CLHC1: variants seen among roughly 807,000 people sequenced by gnomAD.
The protein encoded by CLHC1 is clathrin heavy chain linker domain-containing protein 1.
CLHC1 carries 72 observed loss-of-function variants against 69.5 expected under a neutral mutation model. The observed-to-expected ratio is 1.04, with a 90% CI of 0.86 to 1.26. CLHC1 has a LOEUF of 1.26. Ranked by LOEUF, CLHC1 falls within the 50% of genes most tolerant of loss-of-function variation. The pLI is 0.00. For missense variants in CLHC1, 790 were observed against 679.3 expected, an observed-to-expected ratio of 1.16 and a Z score of -1.81; for synonymous variants, 223 against 224.3, an observed-to-expected ratio of 0.99 and a Z score of 0.05.
chr2:55,229,235 AAAAT>A (rs375017593), intron 1 of CLHC1, among the ~76,000 whole-genome samples: 191 of 151,938 alleles, frequency 1.3e-3, no homozygotes, highest in African/African-American at 4.4e-3. Context: ...TGTATGAAGA[AAAAT>A]AAAACAAGGT....
At chr2:55,185,540 G>A (rs1270364534) in intron 9 of CLHC1, among the ~76,000 whole-genome samples, 11 of 152,158 alleles carry the variant, frequency 7.2e-5, no homozygotes. Flanking sequence ...CTACATGTAA[G>A]CTCCGTGATG....
chr2:55,176,735 AAT>A (rs1669425494), intron 12 of CLHC1, among the ~76,000 whole-genome samples: 1 of 152,202 alleles, frequency 6.6e-6, no homozygotes, highest in Admixed American at 6.5e-5. Context: ...TTTATATGAA[AAT>A]ATTTTAGTTG....
chr2:55,231,252 G>GAAA (rs34262405), intron 1 of CLHC1, among the ~76,000 whole-genome samples: 1 of 103,084 alleles, frequency 9.7e-6, no homozygotes, highest in Non-Finnish European at 2.1e-5. Context: ...TCCGTCTCAC[G>GAAA]AAAAAAAAAA....
In CLHC1 at chr2:55,226,915, G is replaced by A. The variant is rs189899084; in HGVS notation, c.-83+1117C>T. Among the ~76,000 whole-genome samples, 115 of 152,230 alleles carry A rather than the reference G, an allele frequency of 7.6e-4. 2 individuals carry two copies. Among genetic ancestry groups the A allele is most frequent in the Non-Finnish European group, 1.3e-3 (89 of 68,042 alleles). ...CCCAAAGTGCTGGGATTACAGGCAT[G>A]AGCCACTGCACCTGGCTGCTATTTT... On this transcript the variant is annotated intron_variant, in intron 2 of 12. Transcript: ENST00000401408.
At chr2:55,186,921 G>A (rs1670468820) in intron 9 of CLHC1, among the ~76,000 whole-genome samples, 1 of 152,014 alleles carries the variant, frequency 6.6e-6, no homozygotes, top group Non-Finnish European at 1.5e-5. Flanking sequence ...ACAAATTAGT[G>A]GAGAAAGTAC....
At chr2:55,181,884 T>G in intron 9 of CLHC1, 140 bp from the exon 10 acceptor site, 1 of 668,806 alleles carries the variant, frequency 1.5e-6, no homozygotes, top group Non-Finnish European at 2.5e-6. Context: ...TTTTAACTCA[T>G]GCTTATAGAT....
At chr2:55,221,964 G>A (rs559443986) in intron 3 of CLHC1, among the ~76,000 whole-genome samples, 1 of 152,300 alleles carries the variant, frequency 6.6e-6, no homozygotes, top group East Asian at 1.9e-4. Flanking sequence ...GTGATACAGT[G>A]AGACTCTCTC....
chr2:55,214,905 GGAC>G (rs1673352449), intron 4 of CLHC1: 1 of 152,106 alleles, frequency 6.6e-6, no homozygotes, highest in African/African-American at 2.4e-5. Flanking sequence ...ATTACCACAT[GGAC>G]GAGAAAGTAT....
At chr2:55,192,127 G>T (rs1293337573) in intron 9 of CLHC1, among the ~76,000 whole-genome samples, 1 of 152,062 alleles carries the variant, frequency 6.6e-6, no homozygotes, top group Non-Finnish European at 1.5e-5. Context: ...TGCTGTTGTT[G>T]TTGTTGTTTT....
At chr2:55,191,725 TA>T (rs1295920364) in intron 9 of CLHC1, among the ~76,000 whole-genome samples, 1 of 151,954 alleles carries the variant, frequency 6.6e-6, no homozygotes, top group Non-Finnish European at 1.5e-5. Context: ...ATGAGTTATA[TA>T]GCTCCTAAGT....
At chr2:55,210,575 A>AT (rs34976325) in intron 5 of CLHC1, among the ~76,000 whole-genome samples, 1 of 151,978 alleles carries the variant, frequency 6.6e-6, no homozygotes, top group Non-Finnish European at 1.5e-5. Flanking sequence ...CTGAAAAAAA[A>AT]TTTTTTAGTG....
chr2:55,217,779 CCAT>C, intron 4 of CLHC1, 29 bp downstream of exon 4: 1 of 1,382,074 alleles, frequency 7.2e-7, no homozygotes, highest in South Asian at 1.5e-5. Context: ...GCAACAACTA[CCAT>C]CTTTTGGGCT....
chr2:55,225,546 T>C (rs1674608858), intron 2 of CLHC1: 1 of 152,306 alleles, frequency 6.6e-6, no homozygotes, highest in Non-Finnish European at 1.5e-5. Context: ...CTGTAAGCTC[T>C]GGCTTCATCT....
At position 55,228,802 on chromosome 2, in the gene CLHC1, A is replaced by T. The variant is rs547331520; in HGVS notation, c.-255-598T>A. 2.2e-4 allele frequency among the ~76,000 whole-genome samples: 33 copies of T among 152,342 alleles called. No individual in the cohort carries two copies. In the South Asian group the frequency reaches 6.8e-3, roughly 32 times the overall value. On this transcript the variant is annotated intron_variant, in intron 1 of 12. Transcript: ENST00000401408. Reference sequence around the variant, plus strand: ...CAATGGAGACACAGTATTGAACAAAACAAAGTCCCTAATCTCACAAAGGTT... The same window carrying T: ...CAATGGAGACACAGTATTGAACAAATCAAAGTCCCTAATCTCACAAAGGTT...
At chr2:55,177,907 A>G in intron 11 of CLHC1, 126 bp from the exon 12 acceptor site, 8 of 596,204 alleles carry the variant, frequency 1.3e-5, no homozygotes, top group Non-Finnish European at 2.2e-5. Flanking sequence ...GCCCTCAATG[A>G]CCCACTCCAA....
chr2:55,205,248 G>C (rs1672324681), intron 9 of CLHC1, among the ~76,000 whole-genome samples: 1 of 152,098 alleles, frequency 6.6e-6, no homozygotes, highest in African/African-American at 2.4e-5. Context: ...ATTCAATCCA[G>C]CAATCCCGCT....
chr2:55,175,485 A>G lies in CLHC1; in HGVS notation c.*305T>C, dbSNP rs562317052. ...GTTCTTGCTATCATATTACATCACCAGAAAGTAATATATCTGGACATTAGC... is the reference window on the plus strand; with the variant it reads ...GTTCTTGCTATCATATTACATCACCGGAAAGTAATATATCTGGACATTAGC... On this transcript the variant is annotated 3_prime_UTR_variant, in exon 13 of 13. Transcript: ENST00000401408. The G allele has an allele frequency of 3.7e-6, 1 of 270,316 alleles. No homozygotes were observed. The highest frequency in any genetic ancestry group is 7.0e-6 in the Non-Finnish European group (1 of 141,870). The allele number at this position is 270,316 out of a possible 1,614,324, so 16.7% of individuals were successfully genotyped here.
intron 9 of CLHC1, among the ~76,000 whole-genome samples, chr2:55,191,230 G>C (rs1432833499): frequency 6.6e-6 from 1 of 152,140 alleles, no homozygotes; most frequent in Non-Finnish European, 1.5e-5. Flanking sequence ...GTAAAATGAT[G>C]CCAGATGGAA....
intron 8 of CLHC1, among the ~76,000 whole-genome samples, chr2:55,207,922 T>C (rs1346830897): frequency 2.6e-5 from 4 of 152,212 alleles, no homozygotes; most frequent in Non-Finnish European, 5.9e-5. Context: ...GAAAGTAATG[T>C]TTGATAAAAA....
Sources: allele counts gnomAD v4.1 joint callset (sites outside exome capture counted in the v4.1 genomes callset), GRCh38; gene constraint gnomAD v4.1.1; transcripts MANE v1.5; gene names NCBI Gene and HGNC (gene_info 2026-07-23, HGNC 2026-07-21).